Variants in ADGRL2 observed in about 807,000 individuals in gnomAD.
ADGRL2 encodes adhesion G protein-coupled receptor L2.
In ADGRL2, 44 loss-of-function variants were observed where a neutral mutation model predicts 157.4. That is an observed-to-expected ratio of 0.28 (90% CI 0.22 to 0.36). The LOEUF (loss-of-function observed/expected upper bound fraction) is 0.36. ADGRL2 is among the 10% of genes least tolerant of loss of function. The pLI, the probability that ADGRL2 is intolerant of heterozygous loss-of-function variation, is 1.00. For synonymous variants in ADGRL2, 585 were observed against 624.7 expected (o/e 0.94, Z 0.95); for missense variants, 1,510 against 1,768.9 (o/e 0.85, Z 2.63).
intron 1 of ADGRL2, among the ~76,000 whole-genome samples, chr1:81,731,907 A>G (rs576129361): frequency 3.5e-4 from 53 of 152,338 alleles, no homozygotes; most frequent in African/African-American, 1.1e-3. Context: ...TATAGGGTTG[A>G]TAATCTGGAC....
At chr1:81,844,277 TA>T (rs1177873709) in intron 2 of ADGRL2, among the ~76,000 whole-genome samples, 1 of 152,192 alleles carries the variant, frequency 6.6e-6, no homozygotes, top group African/African-American at 2.4e-5. Flanking sequence ...GGAGTTTAAT[TA>T]AAAGCACAGG....
chr1:81,368,056 C>T (rs2076098094), intron 1 of ADGRL2, among the ~76,000 whole-genome samples: 1 of 152,154 alleles, frequency 6.6e-6, no homozygotes, highest in Admixed American at 6.5e-5. Context: ...AACAGGATTG[C>T]TGGATAAAAT....
intron 2 of ADGRL2, among the ~76,000 whole-genome samples, chr1:81,876,270 C>G (rs12064681): frequency 6.6e-6 from 1 of 151,938 alleles, no homozygotes; most frequent in Non-Finnish European, 1.5e-5. Context: ...TTTTTTGAAG[C>G]GGATACTTGT....
intron 2 of ADGRL2, among the ~76,000 whole-genome samples, chr1:81,571,854 C>T (rs1471538331): frequency 6.6e-6 from 1 of 152,162 alleles, no homozygotes; most frequent in Non-Finnish European, 1.5e-5. Context: ...AGGCACTCGA[C>T]ACATATTTGT....
intron 3 of ADGRL2, among the ~76,000 whole-genome samples, chr1:81,908,221 A>T (rs2094627807): frequency 6.6e-6 from 1 of 152,172 alleles, no homozygotes; most frequent in Admixed American, 6.5e-5. Flanking sequence ...TCCTGTAATG[A>T]TAAAATAGGC....
chr1:81,777,263 ACTT>A (rs936550565), intron 2 of ADGRL2, among the ~76,000 whole-genome samples: 4 of 152,160 alleles, frequency 2.6e-5, no homozygotes, highest in African/African-American at 7.2e-5. Context: ...AGCCTAAATC[ACTT>A]CTTCTTTTGT....
intron 22 of ADGRL2, chr1:81,987,365 G>A (rs775246149): frequency 1.4e-5 from 19 of 1,372,116 alleles, no homozygotes; most frequent in Non-Finnish European, 1.9e-5. Context: ...ATAATATACT[G>A]TTCAGTTAAT....
At chr1:81,625,801 G>A (rs1037487024) in intron 3 of ADGRL2, 3 of 152,130 alleles carry the variant, frequency 2.0e-5, no homozygotes, top group African/African-American at 7.2e-5. Flanking sequence ...CATTAAAACA[G>A]AAGCTCCACC....
intron 1 of ADGRL2, among the ~76,000 whole-genome samples, chr1:81,341,999 A>G (rs139066680): frequency 2.2e-4 from 34 of 152,282 alleles, no homozygotes; most frequent in African/African-American, 7.9e-4. Flanking sequence ...AATGTATTCA[A>G]TGCAGACTGT....
chr1:81,706,965 C>G (rs694064), intron 1 of ADGRL2, among the ~76,000 whole-genome samples: 52,868 of 151,914 alleles, frequency 0.35, 9,276 homozygotes, highest in Admixed American at 0.42. Flanking sequence ...GAAACAAAAG[C>G]AAAGCATTAA....
At chr1:81,336,328 T>C (rs1337966789) in intron 1 of ADGRL2, among the ~76,000 whole-genome samples, 1 of 152,200 alleles carries the variant, frequency 6.6e-6, no homozygotes, top group Non-Finnish European at 1.5e-5. Context: ...GAAAAGGGAA[T>C]GCTTCCACAG....
At chr1:81,963,882 A>T (rs1656249111) in intron 11 of ADGRL2, among the ~76,000 whole-genome samples, 1 of 151,240 alleles carries the variant, frequency 6.6e-6, no homozygotes, top group African/African-American at 2.4e-5. Flanking sequence ...TAGAAATCTT[A>T]TTTAAAATTC....
chr1:81,940,697 C>G (rs537117770), intron 4 of ADGRL2, among the ~76,000 whole-genome samples: 1 of 148,576 alleles, frequency 6.7e-6, no homozygotes, highest in East Asian at 2.1e-4. Context: ...GTGCACTACT[C>G]TGTCTGAGTA....
At chr1:81,332,807 T>C (rs992786296) in intron 1 of ADGRL2, among the ~76,000 whole-genome samples, 21 of 152,234 alleles carry the variant, frequency 1.4e-4, no homozygotes, top group African/African-American at 4.8e-4. Flanking sequence ...ATGTAGAACT[T>C]CATATGAAAT....
intron 2 of ADGRL2, among the ~76,000 whole-genome samples, chr1:81,846,045 G>A (rs1011996136): frequency 7.3e-5 from 11 of 151,580 alleles, no homozygotes; most frequent in Non-Finnish European, 1.5e-4. Flanking sequence ...AGGAATTAAC[G>A]TTTTTATAAG....
At chr1:81,625,640 C>A (rs552925417) in intron 3 of ADGRL2, 1 of 152,278 alleles carries the variant, frequency 6.6e-6, no homozygotes, top group East Asian at 1.9e-4. Context: ...AAAACCAATT[C>A]TTAAGCTGTC....
At chr1:81,896,932 G>A (rs2094400447) in intron 2 of ADGRL2, among the ~76,000 whole-genome samples, 1 of 152,088 alleles carries the variant, frequency 6.6e-6, no homozygotes, top group Non-Finnish European at 1.5e-5. Flanking sequence ...CCTACGTTTT[G>A]GCATTATAGT....
intron 1 of ADGRL2, among the ~76,000 whole-genome samples, chr1:81,333,362 T>C (rs986943271): frequency 6.6e-6 from 1 of 152,126 alleles, no homozygotes; most frequent in Non-Finnish European, 1.5e-5. Flanking sequence ...GCCCTTTAGC[T>C]GCATTTATGC....
At chr1:81,985,397 G>A in intron 21 of ADGRL2, 42 bp downstream of exon 21, 2 of 1,038,240 alleles carry the variant, frequency 1.9e-6, no homozygotes, top group South Asian at 2.7e-5. Context: ...ATTTATTAAA[G>A]TACATATAAG....
Sources: allele counts gnomAD v4.1 joint callset (sites outside exome capture counted in the v4.1 genomes callset), GRCh38; gene constraint gnomAD v4.1.1; transcripts MANE v1.5; gene names NCBI Gene and HGNC (gene_info 2026-07-23, HGNC 2026-07-21).